STARD6: variants seen among roughly 807,000 people sequenced by gnomAD.
STARD6 encodes the protein stAR-related lipid transfer protein 6.
Under a neutral mutation model 22.3 loss-of-function variants are expected in STARD6, and 21 were observed. The ratio of observed to expected loss-of-function variants is 0.94; its 90% confidence interval spans 0.67 to 1.35. The LOEUF (loss-of-function observed/expected upper bound fraction) is 1.35. Ranked by LOEUF, STARD6 falls within the 40% of genes most tolerant of loss-of-function variation. The probability of loss-of-function intolerance (pLI) is 0.00; values close to 1 mark genes in which losing one functional copy is unlikely to be tolerated. For synonymous variants in STARD6, 80 were observed against 88.1 expected (o/e 0.91, Z 0.52); for missense variants, 269 against 266.9 (o/e 1.01, Z -0.05).
intron 4 of STARD6, among the ~76,000 whole-genome samples, chr18:54,347,972 G>A (rs572659439): frequency 2.8e-4 from 42 of 152,152 alleles, no homozygotes; most frequent in African/African-American, 9.4e-4. Context: ...TATTGTTCTC[G>A]TGGTAGTGAA....
chr18:54,325,632 C>T (rs1001808131), intron 7 of STARD6, among the ~76,000 whole-genome samples: 1 of 151,894 alleles, frequency 6.6e-6, no homozygotes, highest in African/African-American at 2.4e-5. Flanking sequence ...ACTGCAGCCT[C>T]GAACTCCTGA....
intron 7 of STARD6, among the ~76,000 whole-genome samples, chr18:54,326,551 C>T (rs1170895764): frequency 1.3e-5 from 2 of 150,742 alleles, no homozygotes. Flanking sequence ...AGGCTGATCT[C>T]GAACTCCTGA....
At chr18:54,352,218 T>C (rs1282756290) in intron 4 of STARD6, among the ~76,000 whole-genome samples, 8 of 152,182 alleles carry the variant, frequency 5.3e-5, no homozygotes, top group Non-Finnish European at 1.2e-4. Flanking sequence ...CTCTAGATTT[T>C]CTAGCTTGTG....
chr18:54,352,437 G>A (rs904083265), intron 4 of STARD6, among the ~76,000 whole-genome samples: 1 of 152,186 alleles, frequency 6.6e-6, no homozygotes, highest in African/African-American at 2.4e-5. Context: ...AACAATGTGA[G>A]TGAGTTTGGA....
Position 54,329,703 on chromosome 18 carries a change from A to G in STARD6, c.386-263T>C, listed in dbSNP as rs1657888. On this transcript the variant is annotated intron_variant, in intron 6 of 7. Coordinates refer to ENST00000307844, the MANE Select transcript of STARD6 (RefSeq NM_139171.2). ...GTATACAAGAAAAATGGTTAAAAGT[A>G]TCATTGAACTATTTTCTGAGATTTG... Among the ~76,000 whole-genome samples, 1,120 of 152,120 alleles carry G rather than the reference A, an allele frequency of 7.4e-3. 19 individuals carry two copies. The highest frequency in any genetic ancestry group is 0.026 in the African/African-American group (1,067 of 41,560).
intron 6 of STARD6, among the ~76,000 whole-genome samples, chr18:54,329,754 A>G (rs1225992307): frequency 1.3e-5 from 2 of 152,006 alleles, no homozygotes; most frequent in Admixed American, 1.3e-4. Context: ...CAAATCTCAG[A>G]AAATAGTTAA....
chr18:54,342,226 A>G (rs1568171104), intron 4 of STARD6, among the ~76,000 whole-genome samples: 1 of 152,246 alleles, frequency 6.6e-6, no homozygotes, highest in Non-Finnish European at 1.5e-5. Context: ...CAGAGATTGA[A>G]TTAGTAATCC....
In STARD6 at chr18:54,347,691, G is replaced by T. The variant is rs910101670; in HGVS notation, c.140+6363C>A. On this transcript the variant is annotated intron_variant, in intron 4 of 7. Coordinates refer to ENST00000307844, the MANE Select transcript of STARD6 (RefSeq NM_139171.2). ...GAAGATATTGAACCAGGTTTATGAA[G>T]ATACTAAACTGGGGTGTTTTTCATT... Among the ~76,000 whole-genome samples, 7 of 152,040 alleles carry T rather than the reference G, an allele frequency of 4.6e-5. No homozygotes were observed. In the East Asian group the frequency reaches 1.3e-3, roughly 29 times the overall value.
intron 2 of STARD6, among the ~76,000 whole-genome samples, 179 bp downstream of exon 2, chr18:54,356,182 T>C (rs1310239021): frequency 2.0e-5 from 3 of 152,240 alleles, no homozygotes; most frequent in Non-Finnish European, 2.9e-5. Flanking sequence ...AGTTTAATTA[T>C]TGGAACATTT....
intron 2 of STARD6, among the ~76,000 whole-genome samples, chr18:54,355,055 G>C (rs928467338): frequency 1.3e-5 from 2 of 152,148 alleles, no homozygotes; most frequent in East Asian, 1.9e-4. Context: ...ATGTGTTCTT[G>C]AGGATTATTT....
chr18:54,324,868 C>T lies in STARD6; in HGVS notation c.487G>A (p.Ala163Thr). The T allele has an allele frequency of 6.5e-7, 1 of 1,532,820 alleles. No homozygotes were observed. The highest frequency in any genetic ancestry group is 8.7e-7 in the Non-Finnish European group (1 of 1,146,900). The allele number at this position is 1,532,820 out of a possible 1,614,324, so 95.0% of individuals were successfully genotyped here. A position where few individuals can be genotyped will look rare whatever the true frequency, so the allele number is the denominator to read the frequency against. ...FVCSPMEENP[A>T]YSKLVMFVQT... ...ACAAACATCACTAGTTTGGAATATG[C>T]TGGGTTTCTGTAAGCAAAAGAAGAG... The change falls in exon 8 of 8, where the codon GCA (alanine) becomes ACA (threonine). Residue 163 changes from alanine (A) to threonine (T), a missense_variant. By Grantham distance (58) the Ala-to-Thr change is moderately conservative. Transcript: ENST00000307844.
Position 54,324,615 on chromosome 18 carries a change from G to C in STARD6, c.*77C>G, listed in dbSNP as rs1469142972. 7.3e-6 allele frequency: 10 copies of C among 1,371,116 alleles called. No homozygotes were observed. Among genetic ancestry groups the C allele is most frequent in the Non-Finnish European group, 9.2e-6 (9 of 978,424 alleles). 84.9% of individuals were successfully genotyped at this position (1,371,116 alleles called of 1,614,324 possible). A position where few individuals can be genotyped will look rare whatever the true frequency, so the allele number is the denominator to read the frequency against. On this transcript the variant is annotated 3_prime_UTR_variant, in exon 8 of 8. Transcript: ENST00000307844. ...AATAGTTTAACAGTATTATTTATGT[G>C]CGTTGACTTAGAAGTAAACAGCAAT...
chr18:54,355,957 T>C (rs2089138826), intron 2 of STARD6: 1 of 152,224 alleles, frequency 6.6e-6, no homozygotes, highest in Admixed American at 6.5e-5. Context: ...TCAACTTCCA[T>C]ATCTATAGAA....
chr18:54,336,325 CAT>C (rs1850532122), intron 5 of STARD6, among the ~76,000 whole-genome samples: 1 of 152,176 alleles, frequency 6.6e-6, no homozygotes. Flanking sequence ...GTAATCCCCA[CAT>C]GTCAAGGGCA....
rs1461176612 is a variant in STARD6 at position 54,343,887 on chromosome 18, C to T, written c.141-6636G>A. ...CCTCTGCCCGGCCAGCTGCCCCGTC[C>T]GCGAGGGAGGTGGGGGGGTCAGCCC... On this transcript the variant is annotated intron_variant, in intron 4 of 7. Coordinates refer to ENST00000307844, the MANE Select transcript of STARD6 (RefSeq NM_139171.2). 2.7e-4 allele frequency among the ~76,000 whole-genome samples: 9 copies of T among 33,630 alleles called. 1 individual carries two copies. The highest frequency in any genetic ancestry group is 4.0e-4 in the Non-Finnish European group (8 of 19,856). 22.1% of individuals were successfully genotyped at this position (33,630 alleles called of 152,430 possible). A position where few individuals can be genotyped will look rare whatever the true frequency, so the allele number is the denominator to read the frequency against.
chr18:54,340,395 A>G (rs1436527521), intron 4 of STARD6, among the ~76,000 whole-genome samples: 1 of 152,162 alleles, frequency 6.6e-6, no homozygotes, highest in African/African-American at 2.4e-5. Flanking sequence ...CACTAAGAAA[A>G]TAACCAAAAA....
At chr18:54,351,906 T>G (rs1318909851) in intron 4 of STARD6, among the ~76,000 whole-genome samples, 4 of 148,816 alleles carry the variant, frequency 2.7e-5, no homozygotes, top group African/African-American at 5.1e-5. Context: ...TCCGTTTTTT[T>G]TTTTTTTTTT....
At chr18:54,326,317 C>T (rs1473800629) in intron 7 of STARD6, among the ~76,000 whole-genome samples, 3 of 144,794 alleles carry the variant, frequency 2.1e-5, no homozygotes, top group Non-Finnish European at 4.5e-5. Context: ...GAGTTGTCAG[C>T]TGACAGGTCT....
chr18:54,334,212 G>A (rs1264761323), intron 5 of STARD6, among the ~76,000 whole-genome samples: 3 of 151,988 alleles, frequency 2.0e-5, no homozygotes, highest in Non-Finnish European at 2.9e-5. Context: ...CCCTCTCCAC[G>A]TCTACCACCC....
Sources: gnomAD v4.1 joint callset for allele counts (sites outside exome capture counted in the v4.1 genomes callset) on GRCh38, gnomAD v4.1.1 for gene constraint, MANE v1.5 for transcripts, NCBI Gene and HGNC (gene_info 2026-07-23, HGNC 2026-07-21) for gene names.